FRMD4A: variants seen among roughly 807,000 people sequenced by gnomAD.
FRMD4A encodes FERM domain-containing protein 4A.
FRMD4A carries 29 observed loss-of-function variants against 129.1 expected under a neutral mutation model. The observed-to-expected ratio is 0.22, with a 90% CI of 0.17 to 0.31. FRMD4A has a LOEUF of 0.31. FRMD4A is among the 10% of genes least tolerant of loss of function. The pLI, the probability that FRMD4A is intolerant of heterozygous loss-of-function variation, is 1.00. For missense variants in FRMD4A, 1,272 were observed against 1,375.8 expected (o/e 0.92, Z 1.19); for synonymous variants, 634 against 571.6 (o/e 1.11, Z -1.56).
chr10:14,047,672 A>C (rs1000475889), intron 2 of FRMD4A, among the ~76,000 whole-genome samples: 2 of 152,248 alleles, frequency 1.3e-5, no homozygotes, highest in Admixed American at 6.5e-5. Flanking sequence ...GTAGACTGAA[A>C]AGTGAAACTT....
At chr10:14,232,097 G>A (rs1843657809) in intron 2 of FRMD4A, among the ~76,000 whole-genome samples, 1 of 152,076 alleles carries the variant, frequency 6.6e-6, no homozygotes, top group South Asian at 2.1e-4. Flanking sequence ...ATCTTGAGTT[G>A]ATTTTTGTAT....
At chr10:14,158,127 G>T (rs1455937763) in intron 2 of FRMD4A, among the ~76,000 whole-genome samples, 1 of 152,172 alleles carries the variant, frequency 6.6e-6, no homozygotes, top group African/African-American at 2.4e-5. Context: ...TCATATAAAG[G>T]TGGGGGGTGG....
chr10:14,188,377 A>G (rs1842213046), intron 2 of FRMD4A, among the ~76,000 whole-genome samples: 1 of 152,174 alleles, frequency 6.6e-6, no homozygotes, highest in South Asian at 2.1e-4. Context: ...TTGAAAATGT[A>G]TAATAGCTTC....
intron 2 of FRMD4A, among the ~76,000 whole-genome samples, chr10:13,978,118 T>C (rs987219592): frequency 6.6e-6 from 1 of 152,198 alleles, no homozygotes; most frequent in Non-Finnish European, 1.5e-5. Context: ...ACTAGCAGTG[T>C]GTGAAGGTTC....
At chr10:13,672,059 T>C (rs1004433436) in intron 16 of FRMD4A, among the ~76,000 whole-genome samples, 20 of 152,240 alleles carry the variant, frequency 1.3e-4, no homozygotes, top group Admixed American at 1.3e-4. Flanking sequence ...TGTGTGCACA[T>C]GTGTACGCAT....
At chr10:13,739,718 T>A (rs1363705177) in intron 11 of FRMD4A, among the ~76,000 whole-genome samples, 1 of 152,180 alleles carries the variant, frequency 6.6e-6, no homozygotes, top group Non-Finnish European at 1.5e-5. Context: ...GGATGAAGTT[T>A]TCTGTATTTG....
chr10:13,783,105 C>T, intron 5 of FRMD4A, 99 bp from the exon 6 acceptor site: 1 of 715,938 alleles, frequency 1.4e-6, no homozygotes, highest in South Asian at 1.5e-5. Context: ...CTGGCATTCC[C>T]CATCCTAAAT....
At chr10:13,988,218 G>C (rs189070301) in intron 2 of FRMD4A, among the ~76,000 whole-genome samples, 6 of 152,312 alleles carry the variant, frequency 3.9e-5, no homozygotes, top group Admixed American at 3.9e-4. Context: ...CTCCCATTTG[G>C]TCATGTAGGA....
chr10:14,251,329 C>T (rs943013955), intron 2 of FRMD4A, among the ~76,000 whole-genome samples: 1 of 152,094 alleles, frequency 6.6e-6, no homozygotes, highest in African/African-American at 2.4e-5. Context: ...CCAGGGGAGG[C>T]CAGCTGCTAT....
At chr10:14,267,267 C>T (rs778100118) in intron 2 of FRMD4A, among the ~76,000 whole-genome samples, 71 of 152,070 alleles carry the variant, frequency 4.7e-4, no homozygotes, top group Admixed American at 9.2e-4. Context: ...CTTGGGAACA[C>T]ACATCTGTCT....
At chr10:13,802,975 C>T (rs2130850450) in intron 4 of FRMD4A, among the ~76,000 whole-genome samples, 1 of 152,120 alleles carries the variant, frequency 6.6e-6, no homozygotes, top group Middle Eastern at 3.4e-3. Context: ...TGGTGAAACC[C>T]CGTCTCTACT....
At chr10:13,660,875 A>C (rs1346188659) in intron 19 of FRMD4A, among the ~76,000 whole-genome samples, 1 of 152,208 alleles carries the variant, frequency 6.6e-6, no homozygotes, top group African/African-American at 2.4e-5. Context: ...CTAAACAGCA[A>C]AATGTAGTTA....
At chr10:14,134,695 G>C (rs1839443620) in intron 2 of FRMD4A, among the ~76,000 whole-genome samples, 1 of 150,450 alleles carries the variant, frequency 6.6e-6, no homozygotes, top group Non-Finnish European at 1.5e-5. Flanking sequence ...GGATGGGTGG[G>C]TCAATAGATG....
At chr10:14,271,788 T>C (rs562412159) in intron 2 of FRMD4A, among the ~76,000 whole-genome samples, 16 of 152,330 alleles carry the variant, frequency 1.1e-4, no homozygotes, top group Admixed American at 5.9e-4. Context: ...TCTGCTGACC[T>C]GAAGCATGAT....
chr10:14,047,330 A>C (rs1834031844), intron 2 of FRMD4A, among the ~76,000 whole-genome samples: 1 of 152,150 alleles, frequency 6.6e-6, no homozygotes, highest in Non-Finnish European at 1.5e-5. Context: ...CTGGTACCTC[A>C]CAGTGAATCT....
intron 2 of FRMD4A, among the ~76,000 whole-genome samples, chr10:14,245,349 A>C (rs1218384): frequency 0.72 from 108,964 of 152,052 alleles, 39,768 homozygotes; most frequent in Admixed American, 0.78. Context: ...CCTCTTGTGC[A>C]AAATGCGGAT....
At chr10:14,230,157 A>G (rs1425423086) in intron 2 of FRMD4A, among the ~76,000 whole-genome samples, 5 of 152,234 alleles carry the variant, frequency 3.3e-5, no homozygotes, top group Non-Finnish European at 5.9e-5. Flanking sequence ...TCTCCTTTAC[A>G]GTCCATAGAA....
At chr10:13,953,648 C>G (rs2095389231) in intron 2 of FRMD4A, among the ~76,000 whole-genome samples, 2 of 152,148 alleles carry the variant, frequency 1.3e-5, no homozygotes, top group Non-Finnish European at 2.9e-5. Flanking sequence ...ATATTCAAGT[C>G]ACTCTTATTT....
Position 14,126,694 on chromosome 10 carries a change from T to C in FRMD4A, c.45+203364A>G, listed in dbSNP as rs557613554. On this transcript the variant is annotated intron_variant, in intron 2 of 24. Coordinates refer to ENST00000357447, the MANE Select transcript of FRMD4A (RefSeq NM_018027.5). ...CCCCTGGGCTGATAGCAATTTCTAGTGAAATGCCTCAAGGTAGAAGTATAA... is the reference window on the plus strand; with the variant it reads ...CCCCTGGGCTGATAGCAATTTCTAGCGAAATGCCTCAAGGTAGAAGTATAA... Among the ~76,000 whole-genome samples the C allele has an allele frequency of 6.1e-4, 93 of 152,292 alleles. 1 individual carries two copies. The South Asian group carries it at 6.6e-3, about 11-fold the overall frequency.
Sources: allele counts gnomAD v4.1 joint callset (sites outside exome capture counted in the v4.1 genomes callset), GRCh38; gene constraint gnomAD v4.1.1; transcripts MANE v1.5; gene names NCBI Gene and HGNC (gene_info 2026-07-23, HGNC 2026-07-21).